GSG1L: variants seen among roughly 807,000 people sequenced by gnomAD.
The protein encoded by GSG1L is GSG1 like.
In GSG1L, 24 loss-of-function variants were observed where a neutral mutation model predicts 42.1. The ratio of observed to expected loss-of-function variants is 0.57; its 90% CI spans 0.41 to 0.80. The LOEUF is 0.80. GSG1L is among the 30% of genes least tolerant of loss of function. GSG1L has a pLI of 0.00. For synonymous variants in GSG1L, 215 were observed against 203.5 expected (o/e 1.06, Z -0.48); for missense variants, 445 against 472.2 (o/e 0.94, Z 0.53).
chr16:27,940,178 G>T (rs2084771745), intron 2 of GSG1L, among the ~76,000 whole-genome samples: 1 of 152,086 alleles, frequency 6.6e-6, no homozygotes. Flanking sequence ...AGTTAGAATG[G>T]CAATCATTAA....
chr16:27,952,749 AT>A lies in GSG1L; in HGVS notation c.397+10406del, dbSNP rs565879542. ...TTAGAAAGATAATTTGAAATTCAGC[AT>A]AGGAAACACTTTTCTTTCCTTTTTA... is the stretch of plus-strand genomic sequence containing the variant. On this transcript the variant is annotated intron_variant, in intron 2 of 6. Coordinates refer to ENST00000447459, the MANE Select transcript of GSG1L (RefSeq NM_001109763.2). Among the ~76,000 whole-genome samples the A allele has an allele frequency of 2.6e-5, 4 of 152,404 alleles. No homozygotes were observed. In the South Asian group the frequency reaches 8.3e-4, roughly 32 times the overall value.
intron 5 of GSG1L, among the ~76,000 whole-genome samples, chr16:27,808,539 C>A (rs2082994898): frequency 6.6e-6 from 1 of 152,024 alleles, no homozygotes; most frequent in Admixed American, 6.6e-5. Context: ...CTGCCTCAGC[C>A]TCCCGAGTAG....
chr16:27,947,429 A>AAAGAAAGAAAGAGAAG (rs1555510015), intron 2 of GSG1L, among the ~76,000 whole-genome samples: 1 of 145,670 alleles, frequency 6.9e-6, no homozygotes. Flanking sequence ...AGAAAGAAAG[A>AAAGAAAGAAAGAGAAG]GAAGGAAGGA....
At chr16:27,858,894 C>A (rs539250938) in intron 3 of GSG1L, among the ~76,000 whole-genome samples, 1 of 152,282 alleles carries the variant, frequency 6.6e-6, no homozygotes, top group East Asian at 1.9e-4. Context: ...GTTAGTTTAG[C>A]CAAGGAAGTC....
At chr16:28,015,844 C>A (rs909549568) in intron 1 of GSG1L, among the ~76,000 whole-genome samples, 1 of 152,126 alleles carries the variant, frequency 6.6e-6, no homozygotes, top group African/African-American at 2.4e-5. Flanking sequence ...CAGTGGTGGC[C>A]GGATTTGTGG....
intron 5 of GSG1L, among the ~76,000 whole-genome samples, chr16:27,820,942 G>A (rs1181997619): frequency 1.3e-5 from 2 of 152,078 alleles, no homozygotes; most frequent in African/African-American, 4.8e-5. Context: ...TTCGTGTGTC[G>A]GCCCCTCCTG....
chr16:27,921,153 G>A (rs1030650092), intron 2 of GSG1L, among the ~76,000 whole-genome samples: 1 of 152,116 alleles, frequency 6.6e-6, no homozygotes, highest in Non-Finnish European at 1.5e-5. Flanking sequence ...CAGCTAATAT[G>A]CACCTGCACA....
chr16:27,814,576 T>G (rs988942647), intron 5 of GSG1L, among the ~76,000 whole-genome samples: 1 of 151,382 alleles, frequency 6.6e-6, no homozygotes, highest in Admixed American at 6.6e-5. Context: ...TCCCAGCTAC[T>G]CTGGAGGCTG....
At chr16:27,870,944 C>T (rs1208068669) in intron 3 of GSG1L, among the ~76,000 whole-genome samples, 1 of 151,366 alleles carries the variant, frequency 6.6e-6, no homozygotes, top group African/African-American at 2.5e-5. Context: ...TCCTGTACCC[C>T]AACAACAGTC....
chr16:27,911,256 CCTCTCTCTCGCT>C (rs1183613817), intron 2 of GSG1L, among the ~76,000 whole-genome samples: 20 of 96,310 alleles, frequency 2.1e-4, no homozygotes, highest in Non-Finnish European at 2.7e-4. Context: ...AGCCTCATCA[CCTCTCTCTCGCT>C]CTCTCTCTCT....
intron 1 of GSG1L, among the ~76,000 whole-genome samples, chr16:27,990,222 A>AT (rs2141134199): frequency 6.6e-6 from 1 of 152,166 alleles, no homozygotes; most frequent in Non-Finnish European, 1.5e-5. Flanking sequence ...AGTCAAAGAA[A>AT]TTTTTTTCTT....
At chr16:27,941,216 C>A (rs74395959) in intron 2 of GSG1L, among the ~76,000 whole-genome samples, 2,332 of 152,102 alleles carry the variant, frequency 0.015, 58 homozygotes, top group African/African-American at 0.053. Flanking sequence ...AAAGGCAACC[C>A]ATGCAAGGAG....
intron 6 of GSG1L, among the ~76,000 whole-genome samples, chr16:27,793,967 G>T (rs2082788127): frequency 6.6e-6 from 1 of 152,186 alleles, no homozygotes; most frequent in Non-Finnish European, 1.5e-5. Context: ...AGTGCCAATT[G>T]TTACCAAGGA....
intron 2 of GSG1L, among the ~76,000 whole-genome samples, chr16:27,942,522 T>C (rs1023687809): frequency 6.6e-6 from 1 of 152,122 alleles, no homozygotes; most frequent in Non-Finnish European, 1.5e-5. Flanking sequence ...TTGCAACATA[T>C]ACAAGCAACA....
In GSG1L at chr16:27,993,477, G is replaced by T. The variant is rs116028467; in HGVS notation, c.350-30274C>A. ...AATCATATTTGGAGGAATGTAACTT[G>T]TAGGAAGGATTTTATCTGTTCTATT... On this transcript the variant is annotated intron_variant, in intron 1 of 6. Coordinates refer to ENST00000447459, the MANE Select transcript of GSG1L (RefSeq NM_001109763.2). Among the ~76,000 whole-genome samples, 537 of 152,250 alleles carry T rather than the reference G, an allele frequency of 3.5e-3. 1 individual carries two copies. Among genetic ancestry groups the T allele is most frequent in the African/African-American group, 0.012 (501 of 41,530 alleles).
At chr16:28,010,898 G>A (rs2085709719) in intron 1 of GSG1L, among the ~76,000 whole-genome samples, 1 of 152,178 alleles carries the variant, frequency 6.6e-6, no homozygotes, top group African/African-American at 2.4e-5. Flanking sequence ...AGCATCCTGA[G>A]TTACATGATG....
intron 2 of GSG1L, among the ~76,000 whole-genome samples, chr16:27,954,331 T>C (rs2084983016): frequency 6.6e-6 from 1 of 152,060 alleles, no homozygotes; most frequent in Non-Finnish European, 1.5e-5. Flanking sequence ...ATTTCATGAA[T>C]AGTTGGTTAA....
chr16:27,857,999 A>G (rs2083601483), intron 3 of GSG1L, among the ~76,000 whole-genome samples: 1 of 151,886 alleles, frequency 6.6e-6, no homozygotes, highest in Non-Finnish European at 1.5e-5. Flanking sequence ...CATAGAACTG[A>G]GCCCTTTGCA....
Position 27,893,112 on chromosome 16 carries a change from T to C in GSG1L, c.398-8474A>G, listed in dbSNP as rs764747788. ...CCGAAACTTGCGCTAATGGTTCAAT[T>C]TGCGGCAGAGAACAGGTGACCTCCA... On this transcript the variant is annotated intron_variant, in intron 2 of 6. Transcript: ENST00000447459. 7.2e-5 allele frequency among the ~76,000 whole-genome samples: 11 copies of C among 152,122 alleles called. 1 individual carries two copies. The highest frequency in any genetic ancestry group is 3.9e-4 in the Admixed American group (6 of 15,270).
Sources: allele counts gnomAD v4.1 joint callset (sites outside exome capture counted in the v4.1 genomes callset), GRCh38; gene constraint gnomAD v4.1.1; transcripts MANE v1.5; gene names NCBI Gene and HGNC (gene_info 2026-07-23, HGNC 2026-07-21).